The following ANK2 variants were observed in gnomAD, a reference collection of about 807,000 sequenced individuals.
ANK2 encodes ankyrin 2.
Under a neutral mutation model 360.5 loss-of-function variants are expected in ANK2, and 83 were observed. The observed-to-expected ratio is 0.23, with a 90% CI of 0.19 to 0.28. The LOEUF is 0.28. Ranked by LOEUF, ANK2 falls within the 10% of genes least tolerant of loss-of-function variation. ANK2 has a pLI of 1.00. For synonymous variants in ANK2, 1,740 were observed against 1,759.5 expected (o/e 0.99, Z 0.28); for missense variants, 4,201 against 4,795.7 (o/e 0.88, Z 3.66).
At chr4:112,999,436 C>T (rs1463427403) in intron 2 of ANK2, among the ~76,000 whole-genome samples, 1 of 152,022 alleles carries the variant, frequency 6.6e-6, no homozygotes, top group Non-Finnish European at 1.5e-5. Flanking sequence ...CTGATGATTC[C>T]CACAGCCATG....
the ANK2 span, among the ~76,000 whole-genome samples, chr4:112,713,831 G>A: frequency 6.6e-6 from 1 of 151,106 alleles, no homozygotes; most frequent in Admixed American, 6.6e-5. Context: ...CTACTCGGGA[G>A]GCTGAGGCAT....
intron 1 of ANK2, among the ~76,000 whole-genome samples, chr4:112,823,790 C>G (rs534336490): frequency 4.6e-5 from 7 of 152,360 alleles, no homozygotes; most frequent in African/African-American, 1.7e-4. Flanking sequence ...ACACTGGGCT[C>G]TCAGCCCATC....
At chr4:113,171,717 C>T (rs1266682993) in intron 1 of ANK2, among the ~76,000 whole-genome samples, 2 of 152,170 alleles carry the variant, frequency 1.3e-5, no homozygotes, top group Non-Finnish European at 2.9e-5. Flanking sequence ...ATAACTTTGA[C>T]ATGCATTCAC....
At chr4:112,923,182 A>G (rs1337839743) in intron 2 of ANK2, among the ~76,000 whole-genome samples, 4 of 152,208 alleles carry the variant, frequency 2.6e-5, no homozygotes, top group Non-Finnish European at 5.9e-5. Flanking sequence ...ACATAGCACT[A>G]AACTAGACAT....
the ANK2 span, among the ~76,000 whole-genome samples, chr4:112,751,815 A>G: frequency 6.6e-6 from 1 of 152,090 alleles, no homozygotes. Flanking sequence ...GAAGTGGGGG[A>G]AAATTTTGGA....
intron 2 of ANK2, among the ~76,000 whole-genome samples, chr4:112,959,735 G>T (rs2033702115): frequency 6.6e-6 from 1 of 152,140 alleles, no homozygotes; most frequent in African/African-American, 2.4e-5. Flanking sequence ...AGTCTTGGCA[G>T]TAAGATTAAA....
At chr4:113,209,024 C>G (rs2098988998) in intron 4 of ANK2, among the ~76,000 whole-genome samples, 1 of 151,898 alleles carries the variant, frequency 6.6e-6, no homozygotes, top group Non-Finnish European at 1.5e-5. Context: ...AATCAACTAA[C>G]AGAAAGGCAG....
intron 1 of ANK2, among the ~76,000 whole-genome samples, chr4:112,880,051 C>G (rs946239551): frequency 2.4e-5 from 3 of 127,266 alleles, no homozygotes; most frequent in African/African-American, 9.0e-5. Context: ...CAGACACTCA[C>G]ACACACACAC....
chr4:113,026,174 TA>T (rs1373063651), intron 2 of ANK2, among the ~76,000 whole-genome samples: 1 of 152,148 alleles, frequency 6.6e-6, no homozygotes, highest in African/African-American at 2.4e-5. Flanking sequence ...ATGCCCTATT[TA>T]AAAAGGACCG....
At chr4:113,125,862 A>C (rs2095633768) in intron 1 of ANK2, among the ~76,000 whole-genome samples, 2 of 152,172 alleles carry the variant, frequency 1.3e-5, no homozygotes, top group South Asian at 4.1e-4. Flanking sequence ...TAGTTGTGCC[A>C]CTATGTTAGA....
intron 1 of ANK2, among the ~76,000 whole-genome samples, chr4:112,818,663 G>C (rs28527179): frequency 0.091 from 13,895 of 152,170 alleles, 877 homozygotes; most frequent in African/African-American, 0.18. Context: ...TAAGACACTG[G>C]CTGTGTCTGT....
chr4:112,848,966 G>A (rs2149914111), intron 1 of ANK2, among the ~76,000 whole-genome samples: 1 of 152,312 alleles, frequency 6.6e-6, no homozygotes, highest in African/African-American at 2.4e-5. Flanking sequence ...GCAACTGCTG[G>A]GCTGTGAAAC....
the ANK2 span, among the ~76,000 whole-genome samples, chr4:112,705,838 C>G: frequency 2.0e-5 from 3 of 152,120 alleles, no homozygotes; most frequent in Non-Finnish European, 4.4e-5. Context: ...GCACACGCGC[C>G]GGGCGCGGCG....
the ANK2 span, among the ~76,000 whole-genome samples, chr4:112,711,662 C>CA: frequency 6.3e-4 from 95 of 150,556 alleles, no homozygotes; most frequent in African/African-American, 1.8e-3. Flanking sequence ...ACTAAAAATA[C>CA]AAAAAAAATT....
rs9968405 is a variant in ANK2, at chr4:113,345,867, G to A, written c.4249-33G>A. ...TTAAAGTAAATACTGCAAATCAAATGTGGGTGAAGCATGTATGTCTTTCTT... is the reference window on the plus strand; with the variant it reads ...TTAAAGTAAATACTGCAAATCAAATATGGGTGAAGCATGTATGTCTTTCTT... On this transcript the variant is annotated intron_variant, in intron 34 of 45. Transcript: ENST00000357077. The A allele has an allele frequency of 1, 1,611,813 of 1,612,358 alleles. 805,637 individuals carry two copies. The highest frequency in any genetic ancestry group is 1 in the Middle Eastern group (6,050 of 6,050).
rs72901936 is a variant in ANK2, at chr4:113,341,757, T to C, written c.3963T>C (p.Ile1321=). ...VTFASQVYRE[I]ICVPYMAKFV... ...TTGCATCACAAGTATACAGAGAAAT[T>C]ATCTGCGTACCTTATATGGCCAAAT... is the stretch of plus-strand genomic sequence containing the variant. The change falls in exon 33 of 46, where the codon ATT becomes ATC. Residue 1321 remains isoleucine, a synonymous_variant. Coordinates refer to ENST00000357077, the MANE Select transcript of ANK2 (RefSeq NM_001148.6). 81 of 1,614,120 alleles carry C rather than the reference T, an allele frequency of 5.0e-5. 1 individual carries two copies. In the African/African-American group the frequency reaches 8.9e-4, roughly 18 times the overall value.
chr4:113,231,210 C>T (rs2099297504), intron 4 of ANK2, among the ~76,000 whole-genome samples: 1 of 151,928 alleles, frequency 6.6e-6, no homozygotes, highest in Admixed American at 6.6e-5. Context: ...TGCCACCACG[C>T]CTGGTTAATT....
chr4:112,989,963 A>T (rs1038582126), intron 2 of ANK2, among the ~76,000 whole-genome samples: 1 of 152,200 alleles, frequency 6.6e-6, no homozygotes, highest in Non-Finnish European at 1.5e-5. Flanking sequence ...TAAATTAATA[A>T]TTTTTTAAAA....
Position 113,357,353 on chromosome 4 carries a change from A to T in ANK2, c.8735A>T (p.Asp2912Val). The change falls in exon 38 of 46, where the codon GAC becomes GTC. Residue 2912 changes from aspartate to valine, a missense_variant. Physicochemically the swap from Asp to Val is radical, Grantham distance 152. Coordinates refer to ENST00000357077, the MANE Select transcript of ANK2 (RefSeq NM_001148.6). Reference sequence around the variant, plus strand: ...TTTTCCATGGATGTTCCCGTGTCTGACCTAGCTGAGAATGATGAAATCTAT... The same window carrying T: ...TTTTCCATGGATGTTCCCGTGTCTGTCCTAGCTGAGAATGATGAAATCTAT... Reference protein sequence around the residue: ...DRFSMDVPVSDLAENDEIYDP... With the variant: ...DRFSMDVPVSVLAENDEIYDP... 2 of 1,614,068 alleles carry T rather than the reference A, an allele frequency of 1.2e-6. No individual in the cohort carries two copies. The highest frequency in any genetic ancestry group is 1.1e-5 in the South Asian group (1 of 91,084).
Sources: gnomAD v4.1 joint callset for allele counts (sites outside exome capture counted in the v4.1 genomes callset) on GRCh38, gnomAD v4.1.1 for gene constraint, MANE v1.5 for transcripts, NCBI Gene and HGNC (gene_info 2026-07-23, HGNC 2026-07-21) for gene names.